Variants in AGO1 observed in about 807,000 individuals in gnomAD.
The protein encoded by AGO1 is argonaute RISC component 1.
AGO1 carries 11 observed loss-of-function variants against 109.2 expected under a neutral mutation model. That is an observed-to-expected ratio of 0.10 (90% CI 0.06 to 0.17). The LOEUF is 0.17. Among genes scored for constraint, AGO1 ranks in the 10% least tolerant of loss-of-function variants. The pLI, the probability that AGO1 is intolerant of heterozygous loss-of-function variation, is 1.00. For missense variants in AGO1, 574 were observed against 1,140.3 expected, an observed-to-expected ratio of 0.50 and a Z score of 7.15; for synonymous variants, 422 against 418.6, an observed-to-expected ratio of 1.01 and a Z score of -0.10.
Position 35,925,619 on chromosome 1 carries a change from T to C in AGO1, c.*6012T>C, listed in dbSNP as rs1479091509. 2.0e-5 allele frequency: 3 copies of C among 151,852 alleles called. No individual in the cohort carries two copies. Among genetic ancestry groups the C allele is most frequent in the African/African-American group, 7.3e-5 (3 of 41,302 alleles). The allele number at this position is 151,852 out of a possible 1,614,324, so 9.4% of individuals were successfully genotyped here. A position where few individuals can be genotyped will look rare whatever the true frequency, so the allele number is the denominator to read the frequency against. ...GCTAGTAGTCTGTGGTTTATGAGTATGGGCTGGGTGGGCAGTGGATCAAGA... is the reference window on the plus strand; with the variant it reads ...GCTAGTAGTCTGTGGTTTATGAGTACGGGCTGGGTGGGCAGTGGATCAAGA... On this transcript the variant is annotated 3_prime_UTR_variant, in exon 19 of 19. Coordinates refer to ENST00000373204, the MANE Select transcript of AGO1 (RefSeq NM_012199.5).
rs531373209 is a variant in AGO1, at chr1:35,888,746, G to A, written c.209+136G>A. 10 of 946,532 alleles carry A rather than the reference G, an allele frequency of 1.1e-5. No individual in the cohort carries two copies. Among genetic ancestry groups the A allele is most frequent in the South Asian group, 7.1e-5 (4 of 56,356 alleles). The allele number at this position is 946,532 out of a possible 1,614,324, so 58.6% of individuals were successfully genotyped here. A position where few individuals can be genotyped will look rare whatever the true frequency, so the allele number is the denominator to read the frequency against. On this transcript the variant is annotated intron_variant, in intron 2 of 18. Transcript: ENST00000373204. The surrounding 1 kb of genome is among the most constrained non-coding windows in gnomAD (Gnocchi z 4.1). ...GTTTTTGAACGGGAGATGCCACGTCGGGTAAATGCTGAAAAATAGTCCAAT... is the reference window on the plus strand; with the variant it reads ...GTTTTTGAACGGGAGATGCCACGTCAGGTAAATGCTGAAAAATAGTCCAAT...
In AGO1 at chr1:35,893,117, C is replaced by G. The variant is rs1306694761; in HGVS notation, c.351C>G (p.Ile117Met). Residue 117 changes from isoleucine to methionine, a missense_variant, in exon 4 of 19, where the codon ATC becomes ATG. Physicochemically the swap from Ile to Met is conservative, Grantham distance 10. Coordinates refer to ENST00000373204, the MANE Select transcript of AGO1 (RefSeq NM_012199.5). This position sits in a 1 kb window ranked among gnomAD's most constrained non-coding sequence, Gnocchi z 5.6. ...GNERVDFEVT[I>M]PGEGKDRIFK... ...TGAAGGTCGACTTTGAGGTGACAAT[C>G]CCTGGGGAAGGGAAGGATCGAATCT... 6.2e-7 allele frequency: 1 copy of G among 1,614,070 alleles called. No individual in the cohort carries two copies. Among genetic ancestry groups the G allele is most frequent in the Non-Finnish European group, 8.5e-7 (1 of 1,179,978 alleles).
intron 12 of AGO1, 128 bp from the exon 13 acceptor site, chr1:35,913,714 G>A: frequency 1.1e-6 from 1 of 893,468 alleles, no homozygotes; most frequent in Non-Finnish European, 1.6e-6. Flanking sequence ...TAAGCACTTT[G>A]AGAGTAAGGA....
Position 35,920,844 on chromosome 1 carries a change from AAG to A in AGO1, c.*1243_*1244del, listed in dbSNP as rs1408443115. On this transcript the variant is annotated 3_prime_UTR_variant, in exon 19 of 19. Transcript: ENST00000373204. Reference sequence around the variant, plus strand: ...AACTCTTAGGTCTAAAATGAGAAAAAAGAGAGAAAACAAAATGTTATTTTTAT... The same window carrying A: ...AACTCTTAGGTCTAAAATGAGAAAAAAGAGAAAACAAAATGTTATTTTTAT... The A allele has an allele frequency of 8.5e-5, 13 of 152,650 alleles. No homozygotes were observed. The highest frequency in any genetic ancestry group is 6.2e-4 in the South Asian group (3 of 4,832). The allele number at this position is 152,650 out of a possible 1,614,324, so 9.5% of individuals were successfully genotyped here. A position where few individuals can be genotyped will look rare whatever the true frequency, so the allele number is the denominator to read the frequency against.
At chr1:35,876,755 A>G (rs1328937543) in intron 1 of AGO1, among the ~76,000 whole-genome samples, 1 of 152,306 alleles carries the variant, frequency 6.6e-6, no homozygotes, top group East Asian at 1.9e-4. Context: ...TGTGGGTAAA[A>G]TGCTATCAAA....
At chr1:35,916,287 A>G (rs1198586188) in intron 15 of AGO1, among the ~76,000 whole-genome samples, 1 of 152,188 alleles carries the variant, frequency 6.6e-6, no homozygotes, top group Non-Finnish European at 1.5e-5. Flanking sequence ...ATGTCATCAA[A>G]GATAATTAGG....
At chr1:35,883,145 C>T (rs1303899776), upstream of AGO1, 1 of 1,119,486 alleles carries the variant, frequency 8.9e-7, no homozygotes, top group East Asian at 5.1e-5. This position sits in a 1 kb window ranked among gnomAD's most constrained non-coding sequence, Gnocchi z 5.4. Context: ...GCCTTTGTTG[C>T]CGTCGGAGCG....
Position 35,915,335 on chromosome 1 carries a change from C to A in AGO1, c.1834-13C>A. On this transcript the variant is annotated splice_polypyrimidine_tract_variant and intron_variant, in intron 14 of 18. Transcript: ENST00000373204. The stretch of plus-strand genomic sequence containing the variant: ...AAGGTTCTAGGAGCTAATCCTTTCT[C>A]TCTGACTGTCAGGTGGTAGGCAGTA... The A allele has an allele frequency of 6.2e-7, 1 of 1,609,004 alleles. No homozygotes were observed. Among genetic ancestry groups the A allele is most frequent in the South Asian group, 1.1e-5 (1 of 90,992 alleles).
upstream of AGO1, among the ~76,000 whole-genome samples, chr1:35,879,286 T>A (rs1645016166): frequency 6.6e-6 from 1 of 150,736 alleles, no homozygotes; most frequent in African/African-American, 2.5e-5. Flanking sequence ...CTGTCTATAT[T>A]AAAAATACAA....
chr1:35,885,641 A>C (rs1410630518), intron 1 of AGO1, among the ~76,000 whole-genome samples: 3 of 152,228 alleles, frequency 2.0e-5, no homozygotes, highest in Non-Finnish European at 2.9e-5. Context: ...AAAACCCCCC[A>C]AAAACTAAAG....
At chr1:35,879,602 G>T (rs183839464), upstream of AGO1, among the ~76,000 whole-genome samples, 4 of 151,972 alleles carry the variant, frequency 2.6e-5, no homozygotes, top group East Asian at 7.7e-4. Context: ...GGGTGTGGTG[G>T]CATGTGCCTG....
At chr1:35,885,217 T>G (rs1042341317) in intron 1 of AGO1, among the ~76,000 whole-genome samples, 1 of 152,112 alleles carries the variant, frequency 6.6e-6, no homozygotes, top group Non-Finnish European at 1.5e-5. Flanking sequence ...GGGGACTATT[T>G]CCAACAACCC....
In AGO1 at chr1:35,924,964, A is replaced by C. The variant is rs1557630092; in HGVS notation, c.*5357A>C. On this transcript the variant is annotated 3_prime_UTR_variant, in exon 19 of 19. Coordinates refer to ENST00000373204, the MANE Select transcript of AGO1 (RefSeq NM_012199.5). ...ATGGTAGTTAAAGCCATAGGCATGA[A>C]TGAGATAGCTTAGAAAAAGAGAAGA... 2.0e-5 allele frequency: 3 copies of C among 152,160 alleles called. No individual in the cohort carries two copies. Among genetic ancestry groups the C allele is most frequent in the African/African-American group, 7.2e-5 (3 of 41,424 alleles). The allele number at this position is 152,160 out of a possible 1,614,324, so 9.4% of individuals were successfully genotyped here.
intron 1 of AGO1, among the ~76,000 whole-genome samples, chr1:35,870,200 G>A (rs1049779964): frequency 6.6e-5 from 10 of 151,998 alleles, no homozygotes; most frequent in Non-Finnish European, 7.4e-5. Context: ...ACTAATCTCA[G>A]GTCACACTGC....
At chr1:35,880,125 C>G (rs930549630), upstream of AGO1, among the ~76,000 whole-genome samples, 2 of 152,164 alleles carry the variant, frequency 1.3e-5, no homozygotes, top group Non-Finnish European at 2.9e-5. Flanking sequence ...ATTCTAGGCA[C>G]AGCTTGTGCC....
chr1:35,890,390 T>C (rs1239644647), intron 2 of AGO1, among the ~76,000 whole-genome samples: 3 of 152,196 alleles, frequency 2.0e-5, no homozygotes, highest in Non-Finnish European at 2.9e-5. Context: ...TATGCACATA[T>C]AACATTTTTA....
Position 35,893,905 on chromosome 1 carries a change from C to CT in AGO1, c.649+96dup. The CT allele has an allele frequency of 6.5e-7, 1 of 1,539,576 alleles. No homozygotes were observed. Among genetic ancestry groups the CT allele is most frequent in the South Asian group, 1.2e-5 (1 of 80,794 alleles). The stretch of plus-strand genomic sequence containing the variant: ...CCAGCTCTGCAACCACACTCCTAGT[C>CT]TAATTCCTACAGCCCTGGCACCCCC... On this transcript the variant is annotated intron_variant, in intron 5 of 18. Coordinates refer to ENST00000373204, the MANE Select transcript of AGO1 (RefSeq NM_012199.5). The surrounding 1 kb of genome is among the most constrained non-coding windows in gnomAD (Gnocchi z 5.6).
rs1438572134 is a variant in AGO1, at chr1:35,927,037, G to A, written c.*7430G>A. 25 of 151,668 alleles carry A rather than the reference G, an allele frequency of 1.6e-4. No homozygotes were observed. Among genetic ancestry groups the A allele is most frequent in the Admixed American group, 1.6e-3 (25 of 15,224 alleles). The allele number at this position is 151,668 out of a possible 1,614,324, so 9.4% of individuals were successfully genotyped here. On this transcript the variant is annotated 3_prime_UTR_variant, in exon 19 of 19. Coordinates refer to ENST00000373204, the MANE Select transcript of AGO1 (RefSeq NM_012199.5). ...CTTTGTCCCCATTTTCCAAAGGGAG[G>A]GAACTTTCCTCTTAAAAGAGACAGT...
At chr1:35,911,272 A>G (rs1354930377) in intron 12 of AGO1, among the ~76,000 whole-genome samples, 1 of 152,180 alleles carries the variant, frequency 6.6e-6, no homozygotes, top group African/African-American at 2.4e-5. Context: ...AAAATGAAAA[A>G]GAATCCCAGG....
Sources: allele counts gnomAD v4.1 joint callset (sites outside exome capture counted in the v4.1 genomes callset), GRCh38; gene constraint gnomAD v4.1.1; non-coding constraint Gnocchi (gnomAD v3.1); transcripts MANE v1.5; gene names NCBI Gene and HGNC (gene_info 2026-07-23, HGNC 2026-07-21).